Variants in OPN5 observed in about 807,000 individuals in gnomAD.
The protein encoded by OPN5 is opsin-5.
In OPN5, 18 loss-of-function variants were observed where a neutral mutation model predicts 41.7. The ratio of observed to expected loss-of-function variants is 0.43; its 90% CI spans 0.30 to 0.64. The LOEUF (loss-of-function observed/expected upper bound fraction) is 0.64, where lower values mean the gene tolerates loss of function less well. OPN5 is among the 30% of genes least tolerant of loss of function. The probability of loss-of-function intolerance (pLI) is 0.13; values close to 1 mark genes in which losing one functional copy is unlikely to be tolerated. For missense variants in OPN5, 318 were observed against 434.5 expected (o/e 0.73, Z 2.38); for synonymous variants, 178 against 164.3 (o/e 1.08, Z -0.64).
At chr6:47,786,749 C>T (rs941670870) in intron 2 of OPN5, 115 bp downstream of exon 2, 3 of 876,936 alleles carry the variant, frequency 3.4e-6, no homozygotes, top group Non-Finnish European at 5.2e-6. Flanking sequence ...TCCTTCCACT[C>T]TTCGCTTCAC....
Position 47,823,966 on chromosome 6 carries a change from T to G in OPN5, c.1057-17T>G. 6.5e-7 allele frequency: 1 copy of G among 1,549,142 alleles called. No individual in the cohort carries two copies. The highest frequency in any genetic ancestry group is 1.4e-5 in the African/African-American group (1 of 73,124). On this transcript the variant is annotated splice_polypyrimidine_tract_variant and intron_variant, in intron 6 of 6. Transcript: ENST00000371211. ...CTGTGTGCCTCACCCTAAAACTCAA[T>G]TTTTTCTTCTCTACAGTGGGAATAA... is the stretch of plus-strand genomic sequence containing the variant.
At chr6:47,793,848 A>G (rs1318435418) in intron 3 of OPN5, 24 of 828,016 alleles carry the variant, frequency 2.9e-5, no homozygotes, top group Non-Finnish European at 2.8e-5. Context: ...CCATGAATAT[A>G]TGTGATTACC....
Position 47,791,159 on chromosome 6 carries a change from A to C in OPN5, c.251-643A>C, listed in dbSNP as rs539252616. On this transcript the variant is annotated intron_variant, in intron 2 of 6. Coordinates refer to ENST00000371211, the Ensembl canonical transcript of OPN5. ...AAGTTTTATTATTAAGAAAAGTTGC[A>C]TTGGTCCCAGGAATGTAAGTATGTT... is the stretch of plus-strand genomic sequence containing the variant. Among the ~76,000 whole-genome samples, 11 of 152,272 alleles carry C rather than the reference A, an allele frequency of 7.2e-5. No homozygotes were observed. The South Asian group carries it at 2.3e-3, about 32-fold the overall frequency.
chr6:47,795,630 AG>A (rs757304731), intron 4 of OPN5, 67 bp downstream of exon 4: 1 of 1,120,438 alleles, frequency 8.9e-7, no homozygotes, highest in Non-Finnish European at 1.3e-6. Flanking sequence ...TACAAAGGAT[AG>A]GGAACGTTGG....
At chr6:47,803,835 G>A (rs564612687) in intron 4 of OPN5, among the ~76,000 whole-genome samples, 46 of 152,188 alleles carry the variant, frequency 3.0e-4, no homozygotes, top group Non-Finnish European at 5.7e-4. Context: ...CTGCTCAGTC[G>A]AGCTGAACCA....
intron 5 of OPN5, among the ~76,000 whole-genome samples, 196 bp from the exon 6 acceptor site, chr6:47,811,478 A>G (rs891038490): frequency 2.0e-5 from 3 of 152,126 alleles, no homozygotes; most frequent in Non-Finnish European, 4.4e-5. Flanking sequence ...GTTTTTGGAA[A>G]ACTCTGCCCA....
At chr6:47,795,507 G>A in exon 4 of OPN5, 1 of 1,614,116 alleles carries the variant, frequency 6.2e-7, no homozygotes, top group Non-Finnish European at 8.5e-7. Context: ...CAAAGAAGTA[G>A]CTCATTTCGA....
At chr6:47,800,903 G>A (rs147720707) in intron 4 of OPN5, among the ~76,000 whole-genome samples, 1 of 152,312 alleles carries the variant, frequency 6.6e-6, no homozygotes, top group Admixed American at 6.5e-5. Context: ...TGCTATACAT[G>A]TTGGTACTTC....
At chr6:47,814,688 G>T (rs779452673) in intron 6 of OPN5, among the ~76,000 whole-genome samples, 17 of 152,082 alleles carry the variant, frequency 1.1e-4, no homozygotes, top group African/African-American at 4.1e-4. Flanking sequence ...AGTGGGTTTT[G>T]CTTCCCCAGT....
intron 4 of OPN5, among the ~76,000 whole-genome samples, chr6:47,800,422 G>A (rs563925749): frequency 1.3e-5 from 2 of 152,202 alleles, no homozygotes; most frequent in Admixed American, 6.5e-5. Flanking sequence ...GGCCACAGGA[G>A]CCTTGGGGTC....
intron 6 of OPN5, among the ~76,000 whole-genome samples, chr6:47,819,163 G>T (rs1762519563): frequency 6.6e-6 from 1 of 150,958 alleles, no homozygotes; most frequent in Admixed American, 6.6e-5. Context: ...TTTAGCTCCT[G>T]GAGCAAATAT....
chr6:47,804,312 TA>T (rs200349744), intron 4 of OPN5, among the ~76,000 whole-genome samples: 2 of 151,468 alleles, frequency 1.3e-5, no homozygotes, highest in East Asian at 1.9e-4. Context: ...GTGAAGTAAT[TA>T]AAAAAAAATA....
chr6:47,815,283 A>G (rs774036772), intron 6 of OPN5, among the ~76,000 whole-genome samples: 3 of 152,162 alleles, frequency 2.0e-5, no homozygotes, highest in South Asian at 2.1e-4. Flanking sequence ...ACAAAAATCT[A>G]TCTCATTTAA....
intron 5 of OPN5, among the ~76,000 whole-genome samples, chr6:47,811,302 C>T (rs779541915): frequency 6.6e-6 from 1 of 152,054 alleles, no homozygotes; most frequent in East Asian, 1.9e-4. Context: ...ATAATCAAAC[C>T]TCCCCTGACC....
intron 4 of OPN5, among the ~76,000 whole-genome samples, chr6:47,804,903 A>C (rs1327723349): frequency 6.6e-6 from 1 of 152,324 alleles, no homozygotes; most frequent in East Asian, 1.9e-4. Context: ...ACTCCTCTAA[A>C]AGTAGAAAAC....
At chr6:47,821,019 T>A (rs1026050982) in intron 6 of OPN5, among the ~76,000 whole-genome samples, 1 of 152,174 alleles carries the variant, frequency 6.6e-6, no homozygotes, top group Non-Finnish European at 1.5e-5. Context: ...AGAAAATATA[T>A]TTACGGTTCA....
intron 4 of OPN5, among the ~76,000 whole-genome samples, chr6:47,796,954 C>G (rs2113966251): frequency 1.3e-5 from 2 of 152,330 alleles, no homozygotes; most frequent in Middle Eastern, 6.8e-3. Flanking sequence ...AGAGCAAAGT[C>G]ATGTCTTATA....
intron 2 of OPN5, among the ~76,000 whole-genome samples, chr6:47,790,719 T>G (rs1396287254): frequency 6.6e-6 from 1 of 152,242 alleles, no homozygotes; most frequent in Non-Finnish European, 1.5e-5. Flanking sequence ...CTTTCTCCAG[T>G]GCTCTTTATA....
In OPN5 at chr6:47,786,639, C is replaced by G; in HGVS notation, c.250+5C>G. On this transcript the variant is annotated splice_donor_5th_base_variant and intron_variant, in intron 2 of 6. Transcript: ENST00000371211. ...TCTGTGATCTGGGGATTTCAGGTAA[C>G]ACAACCATGCTGTGTTTTCTTTGTG... is the stretch of plus-strand genomic sequence containing the variant. 6.2e-7 allele frequency: 1 copy of G among 1,612,914 alleles called. No individual in the cohort carries two copies. The highest frequency in any genetic ancestry group is 8.5e-7 in the Non-Finnish European group (1 of 1,179,148).
Sources: gnomAD v4.1 joint callset for allele counts (sites outside exome capture counted in the v4.1 genomes callset) on GRCh38, gnomAD v4.1.1 for gene constraint, MANE v1.5 for transcripts, NCBI Gene and HGNC (gene_info 2026-07-23, HGNC 2026-07-21) for gene names.